VPS13B: variants seen among roughly 807,000 people sequenced by gnomAD.
VPS13B encodes vacuolar protein sorting 13 homolog B, also known as intermembrane lipid transfer protein VPS13B.
Under a neutral mutation model 426.4 loss-of-function variants are expected in VPS13B, and 285 were observed. That is an observed-to-expected ratio of 0.67 (90% confidence interval 0.61 to 0.74). The LOEUF (loss-of-function observed/expected upper bound fraction) is 0.74. Ranked by LOEUF, VPS13B falls within the 30% of genes least tolerant of loss-of-function variation. The pLI is 0.00. For missense variants in VPS13B, 4,537 were observed against 4,782.6 expected (o/e 0.95, Z 1.51); for synonymous variants, 1,676 against 1,676.4 (o/e 1.00, Z 0.01).
intron 17 of VPS13B, among the ~76,000 whole-genome samples, chr8:99,207,671 G>C (rs1814810006): frequency 6.6e-6 from 1 of 152,088 alleles, no homozygotes; most frequent in African/African-American, 2.4e-5. Context: ...AATTACTGTT[G>C]ATAATAAAAT....
chr8:99,320,516 T>C (rs1197411450), intron 19 of VPS13B, among the ~76,000 whole-genome samples: 3 of 152,238 alleles, frequency 2.0e-5, no homozygotes, highest in Non-Finnish European at 4.4e-5. Context: ...TTAACTTTAA[T>C]CTTAGATGAT....
At chr8:99,415,638 T>A (rs1177271798) in intron 21 of VPS13B, among the ~76,000 whole-genome samples, 1 of 152,242 alleles carries the variant, frequency 6.6e-6, no homozygotes, top group Non-Finnish European at 1.5e-5. Context: ...TATTCCTTTC[T>A]GTTTGATAGT....
At chr8:99,842,918 T>A (rs1053471939) in intron 54 of VPS13B, among the ~76,000 whole-genome samples, 8 of 152,126 alleles carry the variant, frequency 5.3e-5, no homozygotes, top group Admixed American at 5.2e-4. Context: ...TTTGGGAGAT[T>A]AAGACAGGCA....
intron 39 of VPS13B, among the ~76,000 whole-genome samples, chr8:99,763,067 T>G (rs2130601057): frequency 7.6e-6 from 1 of 132,292 alleles, no homozygotes; most frequent in South Asian, 2.3e-4. Flanking sequence ...GCCAGGGATA[T>G]CAAGGCTTCA....
chr8:99,118,335 C>T (rs919727192), intron 7 of VPS13B, among the ~76,000 whole-genome samples: 2 of 152,158 alleles, frequency 1.3e-5, no homozygotes, highest in African/African-American at 2.4e-5. Flanking sequence ...TACATTGCTA[C>T]ACTTCACCCC....
intron 39 of VPS13B, among the ~76,000 whole-genome samples, chr8:99,765,260 T>C (rs1035013075): frequency 6.6e-6 from 1 of 152,136 alleles, no homozygotes; most frequent in Admixed American, 6.6e-5. Flanking sequence ...GAAAAGTTGT[T>C]TTTTTCTCAT....
At chr8:99,315,475 A>G (rs1165584078) in intron 19 of VPS13B, among the ~76,000 whole-genome samples, 1 of 150,844 alleles carries the variant, frequency 6.6e-6, no homozygotes, top group East Asian at 1.9e-4. Context: ...TTTTATTTCC[A>G]GAATTTCCAT....
At chr8:99,526,395 TCAGGCAAGGA>T (rs569132959) in intron 30 of VPS13B, among the ~76,000 whole-genome samples, 1 of 152,238 alleles carries the variant, frequency 6.6e-6, no homozygotes, top group South Asian at 2.1e-4. Flanking sequence ...AGCAGATTAC[TCAGGCAAGGA>T]AAGGCAAGGG....
intron 2 of VPS13B, among the ~76,000 whole-genome samples, chr8:99,033,449 GCCAA>G (rs1266721481): frequency 6.6e-6 from 1 of 152,030 alleles, no homozygotes; most frequent in African/African-American, 2.4e-5. Context: ...TGATTCTTTT[GCCAA>G]TTCAAATCTG....
chr8:99,477,746 A>G (rs775695303), intron 24 of VPS13B, among the ~76,000 whole-genome samples: 12 of 152,190 alleles, frequency 7.9e-5, no homozygotes, highest in Non-Finnish European at 1.6e-4. Flanking sequence ...TTATTACTGT[A>G]TCAGACATTA....
At chr8:99,020,047 C>T (rs528842805) in intron 2 of VPS13B, among the ~76,000 whole-genome samples, 12 of 152,256 alleles carry the variant, frequency 7.9e-5, no homozygotes, top group Non-Finnish European at 1.5e-4. Flanking sequence ...TTTGAGGAAT[C>T]ACCATACTGT....
At chr8:99,024,291 C>T (rs779204492) in intron 2 of VPS13B, among the ~76,000 whole-genome samples, 14 of 152,178 alleles carry the variant, frequency 9.2e-5, no homozygotes, top group East Asian at 1.9e-4. Flanking sequence ...TGTGTGCATG[C>T]GCACATGTGT....
rs529328595 is a variant in VPS13B, at chr8:99,656,003, A to G, written c.5909-5351A>G. 2.6e-5 allele frequency among the ~76,000 whole-genome samples: 4 copies of G among 152,342 alleles called. No individual in the cohort carries two copies. The East Asian group carries it at 7.7e-4, about 29-fold the overall frequency. On this transcript the variant is annotated intron_variant, in intron 34 of 61. Transcript: ENST00000357162. ...GCAAACCTACAAACAAAACGAATGCAGTCTTAATCAAGTCTTCATGAAAGT... is the reference window on the plus strand; with the variant it reads ...GCAAACCTACAAACAAAACGAATGCGGTCTTAATCAAGTCTTCATGAAAGT...
At chr8:99,014,471 T>C (rs929875848) in intron 2 of VPS13B, among the ~76,000 whole-genome samples, 2 of 152,034 alleles carry the variant, frequency 1.3e-5, no homozygotes, top group African/African-American at 2.4e-5. Context: ...AGAATGGGAT[T>C]ACTTAAAGTT....
chr8:99,185,344 T>C (rs1813163180), intron 16 of VPS13B, among the ~76,000 whole-genome samples: 1 of 152,224 alleles, frequency 6.6e-6, no homozygotes, highest in East Asian at 1.9e-4. Context: ...ATTTTATCTA[T>C]TTAATTTTTT....
chr8:99,637,169 T>C (rs542387000), intron 33 of VPS13B, among the ~76,000 whole-genome samples: 9 of 152,176 alleles, frequency 5.9e-5, no homozygotes, highest in African/African-American at 2.2e-4. Context: ...CACAAAGGAA[T>C]AGTAAATTGA....
intron 58 of VPS13B, 47 bp from the exon 59 acceptor site, chr8:99,868,242 C>A: frequency 6.2e-7 from 1 of 1,612,268 alleles, no homozygotes; most frequent in Non-Finnish European, 8.5e-7. Context: ...TTTCATTTTC[C>A]GAGGATTTTA....
intron 19 of VPS13B, among the ~76,000 whole-genome samples, chr8:99,311,724 T>C (rs529912365): frequency 2.6e-5 from 4 of 152,308 alleles, no homozygotes; most frequent in Admixed American, 2.0e-4. Flanking sequence ...CTGGATATCC[T>C]TGTTAACTTT....
chr8:99,298,105 T>C (rs1352428557), intron 19 of VPS13B, among the ~76,000 whole-genome samples: 2 of 152,248 alleles, frequency 1.3e-5, no homozygotes, highest in Non-Finnish European at 2.9e-5. Context: ...CAAATATTAG[T>C]GCTAAATAAG....
Sources: allele counts gnomAD v4.1 joint callset (sites outside exome capture counted in the v4.1 genomes callset), GRCh38; gene constraint gnomAD v4.1.1; transcripts MANE v1.5; gene names NCBI Gene and HGNC (gene_info 2026-07-23, HGNC 2026-07-21).